The following NALCN variants were observed in gnomAD, a reference collection of about 807,000 sequenced individuals.
NALCN encodes sodium leak channel NALCN.
Under a neutral mutation model 225.3 loss-of-function variants are expected in NALCN, and 111 were observed. That is an observed-to-expected ratio of 0.49 (90% CI 0.42 to 0.58). The LOEUF (loss-of-function observed/expected upper bound fraction) is 0.58, where lower values mean the gene tolerates loss of function less well. NALCN is among the 20% of genes least tolerant of loss of function. The pLI, the probability that NALCN is intolerant of heterozygous loss-of-function variation, is 0.00. For missense variants in NALCN, 1,378 were observed against 2,202.4 expected, an observed-to-expected ratio of 0.63 and a Z score of 7.49; for synonymous variants, 764 against 769.0, an observed-to-expected ratio of 0.99 and a Z score of 0.11.
chr13:101,187,637 A>G (rs550878169), intron 14 of NALCN, among the ~76,000 whole-genome samples: 2 of 152,330 alleles, frequency 1.3e-5, no homozygotes, highest in East Asian at 3.9e-4. Flanking sequence ...GTGCTCCCTT[A>G]TTAATAATTA....
At chr13:101,068,237 GA>G (rs1314007688) in intron 38 of NALCN, among the ~76,000 whole-genome samples, 1 of 152,124 alleles carries the variant, frequency 6.6e-6, no homozygotes, top group African/African-American at 2.4e-5. Context: ...TCCAAAACAT[GA>G]GGGTCGTAAG....
chr13:101,112,947 T>C (rs1160871834), intron 18 of NALCN, among the ~76,000 whole-genome samples: 1 of 152,088 alleles, frequency 6.6e-6, no homozygotes, highest in African/African-American at 2.4e-5. Flanking sequence ...ACTTATTATA[T>C]AGTAATACAT....
At position 101,239,510 on chromosome 13, in the gene NALCN, G is replaced by A. The variant is rs1245154531; in HGVS notation, c.1267-1588C>T. 2.0e-5 allele frequency among the ~76,000 whole-genome samples: 3 copies of A among 151,930 alleles called. No homozygotes were observed. The South Asian group carries it at 6.2e-4, about 31-fold the overall frequency. Reference sequence around the variant, plus strand: ...CTTGTTTTCTGAGTCACTAACAATCGTGGATATCCCTCCAGATTAAGGGAT... The same window carrying A: ...CTTGTTTTCTGAGTCACTAACAATCATGGATATCCCTCCAGATTAAGGGAT... On this transcript the variant is annotated intron_variant, in intron 11 of 43. Coordinates refer to ENST00000251127, the MANE Select transcript of NALCN (RefSeq NM_052867.4).
chr13:101,230,642 T>C (rs182419024), intron 12 of NALCN, among the ~76,000 whole-genome samples: 18 of 152,294 alleles, frequency 1.2e-4, no homozygotes, highest in African/African-American at 9.6e-5. Flanking sequence ...GGACCAGAAA[T>C]AGAAGGCTTG....
intron 7 of NALCN, among the ~76,000 whole-genome samples, chr13:101,318,250 C>T (rs2044624630): frequency 6.6e-6 from 1 of 152,134 alleles, no homozygotes; most frequent in African/African-American, 2.4e-5. Flanking sequence ...AAGGTTGAGC[C>T]AGGTGGGGAG....
chr13:101,346,824 T>C (rs531277574), intron 6 of NALCN, among the ~76,000 whole-genome samples: 6 of 152,230 alleles, frequency 3.9e-5, no homozygotes, highest in South Asian at 2.1e-4. Flanking sequence ...CCCACACAGA[T>C]TGAGCAGACG....
chr13:101,407,570 A>G (rs1251176443), intron 1 of NALCN, among the ~76,000 whole-genome samples: 1 of 152,210 alleles, frequency 6.6e-6, no homozygotes, highest in Non-Finnish European at 1.5e-5. Context: ...ATATTATTGA[A>G]AGCTTACTCC....
intron 9 of NALCN, among the ~76,000 whole-genome samples, chr13:101,288,465 T>G (rs1383976826): frequency 1.3e-5 from 2 of 152,214 alleles, no homozygotes; most frequent in African/African-American, 4.8e-5. Flanking sequence ...AACCCAGCAC[T>G]GAACATTTAT....
At chr13:101,285,594 G>T (rs1241362290) in intron 9 of NALCN, among the ~76,000 whole-genome samples, 1 of 152,034 alleles carries the variant, frequency 6.6e-6, no homozygotes, top group Non-Finnish European at 1.5e-5. Flanking sequence ...CAAAATTAAG[G>T]TGCACATTTA....
At chr13:101,403,840 G>A (rs888146180) in intron 1 of NALCN, among the ~76,000 whole-genome samples, 1 of 152,070 alleles carries the variant, frequency 6.6e-6, no homozygotes, top group Non-Finnish European at 1.5e-5. Flanking sequence ...AGTATCCCTG[G>A]CACAGTTTGA....
At chr13:101,095,761 T>C (rs1157650520) in intron 27 of NALCN, 81 bp from the exon 28 acceptor site, 1 of 1,186,540 alleles carries the variant, frequency 8.4e-7, no homozygotes. Flanking sequence ...AAACTCTTTC[T>C]TCTTTCACGG....
chr13:101,111,115 A>C lies in NALCN; in HGVS notation c.2294+10T>G, dbSNP rs767294589. 1.3e-6 allele frequency: 2 copies of C among 1,597,950 alleles called. No homozygotes were observed. The highest frequency in any genetic ancestry group is 2.2e-5 in the South Asian group (2 of 90,052). ...AGAGTCTCTGAAGCCCTGTCTTCCC[A>C]AGTATTTACCTGCGCTCTTGGCGGA... On this transcript the variant is annotated intron_variant, in intron 19 of 43. Transcript: ENST00000251127.
chr13:101,256,198 T>G (rs1256066772), intron 11 of NALCN, among the ~76,000 whole-genome samples: 2 of 152,188 alleles, frequency 1.3e-5, no homozygotes, highest in Non-Finnish European at 2.9e-5. Context: ...TGTAAAATCC[T>G]GGACTCCACT....
At chr13:101,064,559 T>TAGATACACAC (rs139640608) in intron 40 of NALCN, among the ~76,000 whole-genome samples, 3 of 148,188 alleles carry the variant, frequency 2.0e-5, no homozygotes, top group Admixed American at 2.0e-4. Flanking sequence ...TGAACATAGA[T>TAGATACACAC]ACACACACAC....
intron 6 of NALCN, among the ~76,000 whole-genome samples, chr13:101,358,365 C>A (rs1030575971): frequency 9.9e-5 from 15 of 152,084 alleles, no homozygotes; most frequent in Admixed American, 4.6e-4. Context: ...AAAGAAACAA[C>A]CCCATCAAAA....
intron 3 of NALCN, among the ~76,000 whole-genome samples, chr13:101,379,802 T>C (rs1314730036): frequency 6.6e-6 from 1 of 152,156 alleles, no homozygotes; most frequent in Admixed American, 6.6e-5. Context: ...CCATGGCACG[T>C]GTATACCTGT....
At chr13:101,117,979 T>G (rs1566832786) in intron 18 of NALCN, among the ~76,000 whole-genome samples, 1 of 152,230 alleles carries the variant, frequency 6.6e-6, no homozygotes, top group African/African-American at 2.4e-5. Context: ...CTCAAATTAC[T>G]CTGTATGATG....
intron 6 of NALCN, among the ~76,000 whole-genome samples, chr13:101,349,148 A>C (rs1157726033): frequency 6.6e-6 from 1 of 152,188 alleles, no homozygotes; most frequent in African/African-American, 2.4e-5. Flanking sequence ...ACGGGTTTCA[A>C]GACCAGCATT....
At chr13:101,221,334 G>A (rs1451695928) in intron 13 of NALCN, among the ~76,000 whole-genome samples, 1 of 152,016 alleles carries the variant, frequency 6.6e-6, no homozygotes, top group Non-Finnish European at 1.5e-5. Context: ...GGCCAGGATG[G>A]TCTCCATCTC....
Sources: allele counts gnomAD v4.1 joint callset (sites outside exome capture counted in the v4.1 genomes callset), GRCh38; gene constraint gnomAD v4.1.1; transcripts MANE v1.5; gene names NCBI Gene and HGNC (gene_info 2026-07-23, HGNC 2026-07-21).